Variants in WNK2 observed in about 807,000 individuals in gnomAD.
WNK2 encodes the protein WNK lysine deficient protein kinase 2.
In WNK2, 67 loss-of-function variants were observed where a neutral mutation model predicts 192.1. The ratio of observed to expected loss-of-function variants is 0.35; its 90% confidence interval spans 0.29 to 0.43. The LOEUF is 0.43. Among genes scored for constraint, WNK2 ranks in the 20% least tolerant of loss-of-function variants. WNK2 has a pLI of 1.00. For synonymous variants in WNK2, 1,439 were observed against 1,393.9 expected, an observed-to-expected ratio of 1.03 and a Z score of -0.72; for missense variants, 2,698 against 3,089.7, an observed-to-expected ratio of 0.87 and a Z score of 3.01.
At chr9:93,298,932 G>T (rs1851086518) in intron 24 of WNK2, 138 bp from the exon 25 acceptor site, 2 of 842,440 alleles carry the variant, frequency 2.4e-6, no homozygotes, top group South Asian at 1.8e-5. Flanking sequence ...GGGAGATGTG[G>T]CCATGTGCCT....
chr9:93,272,167 TG>T (rs1338864032), intron 19 of WNK2, among the ~76,000 whole-genome samples: 2 of 152,232 alleles, frequency 1.3e-5, no homozygotes, highest in African/African-American at 2.4e-5. Flanking sequence ...GAAGATAACC[TG>T]GAACATCCGG....
At chr9:93,319,183 G>GA in intron 29 of WNK2, 4 of 1,613,472 alleles carry the variant, frequency 2.5e-6, no homozygotes, top group Non-Finnish European at 3.4e-6. Context: ...ATCTGAAGGA[G>GA]AAAAATAAAC....
chr9:93,227,674 C>G (rs946339269), intron 2 of WNK2, among the ~76,000 whole-genome samples: 23 of 152,008 alleles, frequency 1.5e-4, no homozygotes, highest in African/African-American at 5.5e-4. Context: ...AAATAAATAA[C>G]CATTTTTTTG....
rs1352273388 is a variant in WNK2 at position 93,185,373 on chromosome 9, G to T, written c.444G>T (p.Ala148=). The T allele has an allele frequency of 1.2e-5, 19 of 1,580,858 alleles. No individual in the cohort carries two copies. The East Asian group carries it at 4.1e-4, about 34-fold the overall frequency. ...APDGGPREEA[A]ATVRKEDEGA... Reference sequence around the variant, plus strand: ...ACGGCGGCCCCAGGGAGGAGGCGGCGGCGACCGTGAGGAAGGAGGATGAGG... The same window carrying T: ...ACGGCGGCCCCAGGGAGGAGGCGGCTGCGACCGTGAGGAAGGAGGATGAGG... Residue 148 remains alanine, a synonymous_variant, in exon 2 of 30, where the codon GCG becomes GCT. Transcript: ENST00000427277.
intron 16 of WNK2, among the ~76,000 whole-genome samples, chr9:93,266,548 C>T (rs1341005484): frequency 2.6e-5 from 4 of 152,182 alleles, no homozygotes; most frequent in Non-Finnish European, 5.9e-5. Context: ...CTTAAATTCT[C>T]GTATGTGGCA....
intron 2 of WNK2, among the ~76,000 whole-genome samples, chr9:93,190,554 G>T (rs1413761388): frequency 6.6e-6 from 1 of 152,250 alleles, no homozygotes; most frequent in Non-Finnish European, 1.5e-5. Flanking sequence ...CAAATGATTT[G>T]ATTTGCCATT....
At chr9:93,269,750 C>T (rs79662911) in intron 19 of WNK2, among the ~76,000 whole-genome samples, 3 of 152,124 alleles carry the variant, frequency 2.0e-5, no homozygotes, top group Admixed American at 1.3e-4. Flanking sequence ...GGGGACAGTA[C>T]GGTTAATAGA....
chr9:93,221,879 T>A (rs1836958652), intron 2 of WNK2, among the ~76,000 whole-genome samples: 1 of 152,194 alleles, frequency 6.6e-6, no homozygotes, highest in African/African-American at 2.4e-5. Flanking sequence ...TAGAAACAGC[T>A]GGTGGAGGGC....
intron 28 of WNK2, chr9:93,316,731 A>T (rs576514973): frequency 6.6e-6 from 1 of 151,700 alleles, no homozygotes; most frequent in Admixed American, 6.6e-5. Context: ...TGTGCGGTTG[A>T]CTCCTTTTCC....
intron 2 of WNK2, among the ~76,000 whole-genome samples, chr9:93,204,402 C>A (rs1833008336): frequency 6.6e-6 from 1 of 152,174 alleles, no homozygotes; most frequent in Admixed American, 6.5e-5. Flanking sequence ...CAAGCACCTG[C>A]AGGTAGAACT....
intron 21 of WNK2, 72 bp downstream of exon 21, chr9:93,290,119 C>T: frequency 7.4e-7 from 1 of 1,351,996 alleles, no homozygotes; most frequent in Non-Finnish European, 1.0e-6. Flanking sequence ...CCTTCTGCAT[C>T]CGCACCCTCG....
chr9:93,237,489 C>T (rs1158325560), intron 5 of WNK2, among the ~76,000 whole-genome samples: 6 of 152,144 alleles, frequency 3.9e-5, no homozygotes, highest in Non-Finnish European at 7.3e-5. Context: ...ATCTCGAGTT[C>T]TATTTGGTTC....
At chr9:93,302,458 C>G (rs530797513) in intron 26 of WNK2, among the ~76,000 whole-genome samples, 5 of 152,268 alleles carry the variant, frequency 3.3e-5, no homozygotes, top group East Asian at 3.9e-4. Flanking sequence ...AGCCTTTGCT[C>G]CCTAGGGCCT....
chr9:93,190,788 G>A (rs776653661), intron 2 of WNK2, among the ~76,000 whole-genome samples: 1 of 152,208 alleles, frequency 6.6e-6, no homozygotes, highest in Admixed American at 6.5e-5. Flanking sequence ...ATGTCCACAC[G>A]TGCCCTGGCT....
intron 2 of WNK2, among the ~76,000 whole-genome samples, chr9:93,216,426 G>A (rs1014048902): frequency 1.3e-5 from 2 of 152,012 alleles, no homozygotes; most frequent in Non-Finnish European, 2.9e-5. Context: ...TGGGTGGATC[G>A]CTTGAGCCCA....
At chr9:93,261,744 C>A in intron 12 of WNK2, 70 bp from the exon 13 acceptor site, 1 of 1,522,084 alleles carries the variant, frequency 6.6e-7, no homozygotes, top group Admixed American at 1.8e-5. Context: ...TTCCCAGACA[C>A]ACCTGGGCAC....
intron 2 of WNK2, among the ~76,000 whole-genome samples, chr9:93,198,736 G>A (rs747367290): frequency 1.3e-5 from 2 of 152,176 alleles, no homozygotes; most frequent in Admixed American, 6.5e-5. Context: ...TGATCATAGC[G>A]TCTGCGCTGA....
At position 93,272,559 on chromosome 9, in the gene WNK2, A is replaced by T. The variant is rs181766061; in HGVS notation, c.4033+3813A>T. Among the ~76,000 whole-genome samples, 822 of 152,104 alleles carry T rather than the reference A, an allele frequency of 5.4e-3. 7 individuals are homozygous for T. The highest frequency in any genetic ancestry group is 0.019 in the African/African-American group (773 of 41,468). On this transcript the variant is annotated intron_variant, in intron 19 of 29. Coordinates refer to ENST00000427277, the MANE Select transcript of WNK2 (RefSeq NM_006648.4). ...TTTGAGACCAGCCTGACCAACATGG[A>T]GAAACCTCGTCTCTACTAAAAATAC... is the stretch of plus-strand genomic sequence containing the variant.
In WNK2 at chr9:93,292,906, C is replaced by T; in HGVS notation, c.5441C>T (p.Pro1814Leu). The T allele has an allele frequency of 6.6e-7, 1 of 1,522,550 alleles. No individual in the cohort carries two copies. The highest frequency in any genetic ancestry group is 1.8e-4 in the Middle Eastern group (1 of 5,674). The allele number at this position is 1,522,550 out of a possible 1,614,324, so 94.3% of individuals were successfully genotyped here. Reference protein sequence around the residue: ...PVSSDSGDEGPRARPPVQKQA... With the variant: ...PVSSDSGDEGLRARPPVQKQA... The stretch of plus-strand genomic sequence containing the variant: ...TCCAGCGACTCTGGGGACGAGGGCC[C>T]TCGGGCGAGACCCCCGGTGCAGAAG... The change falls in exon 23 of 30, where the codon CCT becomes CTT. Residue 1814 changes from proline to leucine, a missense_variant. By Grantham distance (98) the Pro-to-Leu change is moderately conservative (BLOSUM62 -3). Coordinates refer to ENST00000427277, the MANE Select transcript of WNK2 (RefSeq NM_006648.4).
Sources: allele counts gnomAD v4.1 joint callset (sites outside exome capture counted in the v4.1 genomes callset), GRCh38; gene constraint gnomAD v4.1.1; transcripts MANE v1.5; gene names NCBI Gene and HGNC (gene_info 2026-07-23, HGNC 2026-07-21).